Variants in EDARADD observed in about 807,000 individuals in gnomAD.
EDARADD encodes ectodysplasin-A receptor-associated adapter protein.
EDARADD carries 20 observed loss-of-function variants against 25.6 expected under a neutral mutation model. The observed-to-expected ratio is 0.78, with a 90% CI of 0.55 to 1.14. The LOEUF (loss-of-function observed/expected upper bound fraction) is 1.14, where lower values mean the gene tolerates loss of function less well. EDARADD is among the 50% of genes most tolerant of loss of function. EDARADD has a pLI of 0.00. For missense variants in EDARADD, 225 were observed against 270.1 expected (o/e 0.83, Z 1.17); for synonymous variants, 86 against 94.4 (o/e 0.91, Z 0.52).
At chr1:236,360,055 C>T (rs1336555421) in intron 3 of EDARADD, among the ~76,000 whole-genome samples, 1 of 152,138 alleles carries the variant, frequency 6.6e-6, no homozygotes, top group East Asian at 1.9e-4. Flanking sequence ...TGGCTCACTC[C>T]TGTAATTCCA....
intron 2 of EDARADD, among the ~76,000 whole-genome samples, chr1:236,412,932 G>C (rs1258971891): frequency 6.6e-6 from 1 of 152,192 alleles, no homozygotes; most frequent in Non-Finnish European, 1.5e-5. Flanking sequence ...GCGATGGCAC[G>C]ATCTCAGGTC....
chr1:236,464,196 C>T (rs993792898), intron 4 of EDARADD, among the ~76,000 whole-genome samples: 5 of 152,146 alleles, frequency 3.3e-5, no homozygotes, highest in Non-Finnish European at 5.9e-5. Context: ...TCGTCTACTC[C>T]TCACCAAATC....
chr1:236,462,537 C>T (rs968302079), intron 4 of EDARADD, among the ~76,000 whole-genome samples: 11 of 152,054 alleles, frequency 7.2e-5, no homozygotes, highest in East Asian at 1.9e-4. Flanking sequence ...ACATTCAGCT[C>T]GGAGCTGAGA....
rs541287389 is a variant in EDARADD at position 236,430,339 on chromosome 1, C to A, written c.219+2889C>A. ...ATCCTAATTTTTAAACAAAATTTTGCTCCTCACATTTTTTTGGTAACATGT... is the reference window on the plus strand; with the variant it reads ...ATCCTAATTTTTAAACAAAATTTTGATCCTCACATTTTTTTGGTAACATGT... On this transcript the variant is annotated intron_variant, in intron 4 of 5. Coordinates refer to ENST00000334232, the MANE Select transcript of EDARADD (RefSeq NM_145861.4). 1.6e-3 allele frequency among the ~76,000 whole-genome samples: 242 copies of A among 152,268 alleles called. 1 individual carries two copies. Among genetic ancestry groups the A allele is most frequent in the African/African-American group, 5.6e-3 (234 of 41,562 alleles).
rs1352814328 is a variant in EDARADD, at chr1:236,395,016, G to A, written c.61+511G>A. On this transcript the variant is annotated intron_variant, in intron 1 of 5. Transcript: ENST00000334232. This position sits in a 1 kb window ranked among gnomAD's most constrained non-coding sequence, Gnocchi z 6.9. ...AAAAATCAAAATAGAAAGTACCAGC[G>A]TGTGCCATCATGCAGCGGCAGAGCC... is the stretch of plus-strand genomic sequence containing the variant. Among the ~76,000 whole-genome samples, 1 of 152,198 alleles carries A rather than the reference G, an allele frequency of 6.6e-6. No individual in the cohort carries two copies. The highest frequency in any genetic ancestry group is 1.5e-5 in the Non-Finnish European group (1 of 68,026).
upstream of EDARADD, among the ~76,000 whole-genome samples, chr1:236,390,443 T>G (rs969022629): frequency 6.6e-6 from 1 of 151,984 alleles, no homozygotes; most frequent in African/African-American, 2.4e-5. Flanking sequence ...TAATCCCAGC[T>G]ACAGGAGGCT....
chr1:236,438,254 G>A (rs1658312203), intron 4 of EDARADD, among the ~76,000 whole-genome samples: 1 of 152,202 alleles, frequency 6.6e-6, no homozygotes, highest in African/African-American at 2.4e-5. Context: ...ACATTCCAAG[G>A]TACTGAGGGT....
At chr1:236,396,837 C>G (rs1255094669) in intron 1 of EDARADD, among the ~76,000 whole-genome samples, 1 of 151,954 alleles carries the variant, frequency 6.6e-6, no homozygotes, top group Non-Finnish European at 1.5e-5. Context: ...AACCCTCCTA[C>G]TGCCCCATCC....
intron 1 of EDARADD, 86 bp from the exon 2 acceptor site, chr1:236,409,130 G>T: frequency 1.1e-6 from 1 of 897,862 alleles, no homozygotes; most frequent in Non-Finnish European, 1.8e-6. Context: ...ACTTGCCTCT[G>T]TATAGAGACA....
rs142266831 is a variant in EDARADD, at chr1:236,482,934, G to A, written c.*285G>A. 2.4e-3 allele frequency: 1,467 copies of A among 604,600 alleles called. 8 individuals carry two copies. The highest frequency in any genetic ancestry group is 0.014 in the African/African-American group (733 of 54,010). 37.5% of individuals were successfully genotyped at this position (604,600 alleles called of 1,614,324 possible). A position where few individuals can be genotyped will look rare whatever the true frequency, so the allele number is the denominator to read the frequency against. On this transcript the variant is annotated 3_prime_UTR_variant, in exon 6 of 6. Transcript: ENST00000334232. ...AGTCCTACAATCGGAATGGATTCATGCCACGTTGAAGATAAAATTATCCTC... is the reference window on the plus strand; with the variant it reads ...AGTCCTACAATCGGAATGGATTCATACCACGTTGAAGATAAAATTATCCTC...
chr1:236,446,025 T>C (rs1345692547), intron 4 of EDARADD, among the ~76,000 whole-genome samples: 2 of 152,208 alleles, frequency 1.3e-5, no homozygotes, highest in South Asian at 2.1e-4. Context: ...TGATTCATTA[T>C]TGATGTCTGC....
chr1:236,391,851 G>A (rs551189466), upstream of EDARADD, among the ~76,000 whole-genome samples: 35 of 152,000 alleles, frequency 2.3e-4, no homozygotes, highest in Non-Finnish European at 3.2e-4. Flanking sequence ...CCACACTTAC[G>A]GCTGCAGCCT....
At chr1:236,397,484 T>C (rs531746356) in intron 1 of EDARADD, among the ~76,000 whole-genome samples, 2 of 152,198 alleles carry the variant, frequency 1.3e-5, no homozygotes, top group South Asian at 4.1e-4. Flanking sequence ...CCAGCCAAAA[T>C]GGATGTGCAC....
intron 4 of EDARADD, among the ~76,000 whole-genome samples, chr1:236,462,409 A>G (rs1264733625): frequency 2.0e-5 from 3 of 151,638 alleles, no homozygotes; most frequent in East Asian, 1.9e-4. Context: ...GGGTTGGTCT[A>G]TTGGGGTCTC....
rs1667481818 is a variant in EDARADD, at chr1:236,394,605, A to G, written c.61+100A>G. ...TTCTTGGATATATTATACACTAAAT[A>G]CTATTATTATCTTTTTCGACCCGAC... On this transcript the variant is annotated intron_variant, in intron 1 of 5. Coordinates refer to ENST00000334232, the MANE Select transcript of EDARADD (RefSeq NM_145861.4). 3 of 1,032,782 alleles carry G rather than the reference A, an allele frequency of 2.9e-6. No individual in the cohort carries two copies. In the Admixed American group the frequency reaches 7.6e-5, roughly 26 times the overall value. 64.0% of individuals were successfully genotyped at this position (1,032,782 alleles called of 1,614,324 possible). A position where few individuals can be genotyped will look rare whatever the true frequency, so the allele number is the denominator to read the frequency against.
intron 1 of EDARADD, among the ~76,000 whole-genome samples, chr1:236,401,573 T>C (rs904141678): frequency 1.3e-5 from 2 of 152,146 alleles, no homozygotes; most frequent in African/African-American, 2.4e-5. Flanking sequence ...AGGCTCTGAT[T>C]TGGTAGATGA....
At chr1:236,446,918 G>A (rs1348986635) in intron 4 of EDARADD, among the ~76,000 whole-genome samples, 1 of 152,168 alleles carries the variant, frequency 6.6e-6, no homozygotes, top group Non-Finnish European at 1.5e-5. Context: ...CATTTGATCA[G>A]GTTGTCCCAG....
At chr1:236,427,531 A>G in intron 4 of EDARADD, 81 bp downstream of exon 4, 1 of 1,338,372 alleles carries the variant, frequency 7.5e-7, no homozygotes, top group Non-Finnish European at 1.0e-6. Flanking sequence ...AGAGTTTTAC[A>G]AATAAAAAAT....
chr1:236,377,267 T>C lies in EDARADD; in HGVS notation c.-6+26428T>C, dbSNP rs192070495. Among the ~76,000 whole-genome samples the C allele has an allele frequency of 3.2e-3, 491 of 151,472 alleles. 3 individuals carry two copies. Among genetic ancestry groups the C allele is most frequent in the Admixed American group, 0.013 (194 of 15,214 alleles). ...ACCTCCTGGGTTCACGCCATTCTCC[T>C]GCCTCAGCCCCCCGAGTAGTTGGGA... On this transcript the variant is annotated intron_variant, in intron 3 of 7. Coordinates refer to the EDARADD transcript ENST00000439430.
Sources: gnomAD v4.1 joint callset for allele counts (sites outside exome capture counted in the v4.1 genomes callset) on GRCh38, gnomAD v4.1.1 for gene constraint, Gnocchi (gnomAD v3.1) non-coding constraint, MANE v1.5 for transcripts, NCBI Gene and HGNC (gene_info 2026-07-23, HGNC 2026-07-21) for gene names.